Variants in VPS13B observed in about 807,000 individuals in gnomAD.
VPS13B encodes the protein vacuolar protein sorting 13 homolog B, also known as intermembrane lipid transfer protein VPS13B.
Under a neutral mutation model 426.4 loss-of-function variants are expected in VPS13B, and 285 were observed. The ratio of observed to expected loss-of-function variants is 0.67; its 90% confidence interval spans 0.61 to 0.74. The LOEUF (loss-of-function observed/expected upper bound fraction) is 0.74. Ranked by LOEUF, VPS13B falls within the 30% of genes least tolerant of loss-of-function variation. The probability of loss-of-function intolerance (pLI) is 0.00; values close to 1 mark genes in which losing one functional copy is unlikely to be tolerated. For missense variants in VPS13B, 4,537 were observed against 4,782.6 expected, an observed-to-expected ratio of 0.95 and a Z score of 1.51; for synonymous variants, 1,676 against 1,676.4, an observed-to-expected ratio of 1.00 and a Z score of 0.01.
intron 19 of VPS13B, among the ~76,000 whole-genome samples, chr8:99,335,799 A>T (rs965237819): frequency 1.3e-5 from 2 of 152,184 alleles, no homozygotes; most frequent in African/African-American, 4.8e-5. Flanking sequence ...TAGGAATCCA[A>T]CTTACAAGGG....
intron 39 of VPS13B, among the ~76,000 whole-genome samples, chr8:99,764,432 G>A (rs1209449137): frequency 4.7e-5 from 1 of 21,234 alleles, no homozygotes; most frequent in Non-Finnish European, 9.4e-5. Context: ...TTTTTTTTTT[G>A]AGATGGAGTC....
intron 19 of VPS13B, among the ~76,000 whole-genome samples, chr8:99,379,112 G>A (rs543082019): frequency 1.3e-5 from 2 of 152,268 alleles, no homozygotes; most frequent in South Asian, 4.1e-4. Flanking sequence ...GCATACAAGG[G>A]ATCTAGATTG....
chr8:99,776,893 G>A lies in VPS13B; in HGVS notation c.7366G>A (p.Val2456Ile), dbSNP rs201963516. The A allele has an allele frequency of 1.5e-4, 238 of 1,613,974 alleles. No individual in the cohort carries two copies. Among genetic ancestry groups the A allele is most frequent in the Middle Eastern group, 6.6e-4 (4 of 6,062 alleles). ...FTPWFVPSLC[V>I]SFQFAHLEFH... ...CCCATGGTTTGTCCCATCCCTTTGC[G>A]TTTCTTTCCAGTTTGCTCACCTGGA... The change falls in exon 41 of 62, where the codon GTT becomes ATT. Residue 2456 changes from valine (V) to isoleucine (I), a missense_variant. Transcript: ENST00000357162.
chr8:99,219,925 A>G (rs1224205065), intron 17 of VPS13B, among the ~76,000 whole-genome samples: 1 of 152,206 alleles, frequency 6.6e-6, no homozygotes. Context: ...TCATTTGACC[A>G]GGGGCAGCTA....
Position 99,111,119 on chromosome 8 carries a change from A to G in VPS13B, c.602A>G (p.Lys201Arg). 1 of 1,604,492 alleles carries G rather than the reference A, an allele frequency of 6.2e-7. No homozygotes were observed. Among genetic ancestry groups the G allele is most frequent in the Non-Finnish European group, 8.5e-7 (1 of 1,175,196 alleles). The part of the protein sequence containing the change: ...DISATDLVLR[K>R]VINFSDCTVC... Reference sequence around the variant, plus strand: ...TTAGCAACTGATTTGGTGCTGAGAAAGGTTATCAATTTTTCTGACTGTACA... The same window carrying G: ...TTAGCAACTGATTTGGTGCTGAGAAGGGTTATCAATTTTTCTGACTGTACA... The change falls in exon 6 of 62, where the codon AAG becomes AGG. Residue 201 changes from lysine to arginine, a missense_variant. Lys to Arg is a conservative substitution (Grantham distance 26, BLOSUM62 2). Transcript: ENST00000357162.
intron 21 of VPS13B, among the ~76,000 whole-genome samples, chr8:99,408,999 G>A (rs1423189751): frequency 6.6e-6 from 1 of 152,104 alleles, no homozygotes; most frequent in Non-Finnish European, 1.5e-5. Flanking sequence ...AGAAATTTTA[G>A]TGACTCAACA....
intron 19 of VPS13B, among the ~76,000 whole-genome samples, chr8:99,351,538 T>C (rs1319123443): frequency 6.6e-6 from 1 of 152,054 alleles, no homozygotes; most frequent in African/African-American, 2.4e-5. Flanking sequence ...AATCCCTTTT[T>C]AGTCTGGAAA....
At chr8:99,329,191 T>C (rs930974450) in intron 19 of VPS13B, among the ~76,000 whole-genome samples, 1 of 152,144 alleles carries the variant, frequency 6.6e-6, no homozygotes, top group Non-Finnish European at 1.5e-5. Flanking sequence ...CCAGTTTTTA[T>C]GTGAAACATA....
At chr8:99,332,621 C>G (rs904484017) in intron 19 of VPS13B, among the ~76,000 whole-genome samples, 1 of 151,564 alleles carries the variant, frequency 6.6e-6, no homozygotes, top group East Asian at 1.9e-4. Context: ...GCTTTACGTA[C>G]AGTCATAGGC....
At chr8:99,352,374 G>A (rs910225549) in intron 19 of VPS13B, among the ~76,000 whole-genome samples, 7 of 151,892 alleles carry the variant, frequency 4.6e-5, no homozygotes, top group Admixed American at 1.3e-4. Context: ...TTCCTAGTCT[G>A]TTTTTTTCTG....
At chr8:99,596,042 C>G (rs943448989) in intron 33 of VPS13B, among the ~76,000 whole-genome samples, 2 of 151,832 alleles carry the variant, frequency 1.3e-5, no homozygotes, top group Non-Finnish European at 2.9e-5. Context: ...AAATTGGAAC[C>G]CTCTTACACT....
chr8:99,601,116 A>G (rs1827278301), intron 33 of VPS13B, among the ~76,000 whole-genome samples: 1 of 151,758 alleles, frequency 6.6e-6, no homozygotes, highest in African/African-American at 2.4e-5. Context: ...CATCATCTAC[A>G]TTATGTATTT....
At chr8:99,343,640 A>G (rs1464835181) in intron 19 of VPS13B, among the ~76,000 whole-genome samples, 4 of 152,180 alleles carry the variant, frequency 2.6e-5, no homozygotes, top group African/African-American at 9.6e-5. Flanking sequence ...ATTTCTGTAC[A>G]CTAATAACAA....
chr8:99,239,178 A>T (rs754824192), intron 17 of VPS13B, among the ~76,000 whole-genome samples: 5 of 152,172 alleles, frequency 3.3e-5, no homozygotes, highest in Non-Finnish European at 7.4e-5. Context: ...GATACTAATG[A>T]CTGACCCTTA....
At chr8:99,311,657 G>A (rs1820982091) in intron 19 of VPS13B, among the ~76,000 whole-genome samples, 1 of 152,218 alleles carries the variant, frequency 6.6e-6, no homozygotes, top group East Asian at 1.9e-4. Flanking sequence ...TTGATTTGGG[G>A]TAGAGAGTTC....
chr8:99,090,483 T>C (rs1469374178), intron 3 of VPS13B, among the ~76,000 whole-genome samples: 7 of 152,084 alleles, frequency 4.6e-5, no homozygotes, highest in African/African-American at 1.7e-4. Context: ...TTGGCCACAC[T>C]GGTCTCGAAC....
At chr8:99,360,017 G>A (rs2133232238) in intron 19 of VPS13B, among the ~76,000 whole-genome samples, 1 of 151,548 alleles carries the variant, frequency 6.6e-6, no homozygotes, top group Non-Finnish European at 1.5e-5. Context: ...TGGCCAGGCT[G>A]GTCTCAAACT....
chr8:99,480,673 A>AG (rs2133553945), intron 24 of VPS13B, among the ~76,000 whole-genome samples: 1 of 152,318 alleles, frequency 6.6e-6, no homozygotes, highest in African/African-American at 2.4e-5. Flanking sequence ...TACACAAAAA[A>AG]CAGGAGAAAA....
At chr8:99,730,360 A>C (rs1352155715) in intron 39 of VPS13B, among the ~76,000 whole-genome samples, 2 of 152,236 alleles carry the variant, frequency 1.3e-5, no homozygotes, top group Non-Finnish European at 2.9e-5. Flanking sequence ...TCCAGTGGAC[A>C]CAATAATAAA....
Sources: gnomAD v4.1 joint callset for allele counts (sites outside exome capture counted in the v4.1 genomes callset) on GRCh38, gnomAD v4.1.1 for gene constraint, MANE v1.5 for transcripts, NCBI Gene and HGNC (gene_info 2026-07-23, HGNC 2026-07-21) for gene names.